Variants in INSC observed in about 807,000 individuals in gnomAD.
INSC encodes the protein protein inscuteable homolog.
INSC carries 67 observed loss-of-function variants against 58.6 expected under a neutral mutation model. That is an observed-to-expected ratio of 1.14 (90% CI 0.94 to 1.40). The LOEUF is 1.40. INSC is among the 40% of genes most tolerant of loss of function. INSC has a pLI of 0.00. For synonymous variants in INSC, 262 were observed against 276.1 expected, an observed-to-expected ratio of 0.95 and a Z score of 0.51; for missense variants, 714 against 692.0, an observed-to-expected ratio of 1.03 and a Z score of -0.36.
rs1046717449 is a variant in INSC at position 15,246,729 on chromosome 11, T to G, written c.*689T>G. ...ACCCAAAGGCACCAGAAACCCTGCT[T>G]CCTTTGGCTTCTTTGCTTTTGTGTA... On this transcript the variant is annotated 3_prime_UTR_variant, in exon 13 of 13. Transcript: ENST00000379556. 6.6e-6 allele frequency: 1 copy of G among 152,252 alleles called. No homozygotes were observed. Among genetic ancestry groups the G allele is most frequent in the Non-Finnish European group, 1.5e-5 (1 of 68,032 alleles). 9.4% of individuals were successfully genotyped at this position (152,252 alleles called of 1,614,324 possible).
At chr11:15,242,092 C>G (rs899625876) in intron 12 of INSC, among the ~76,000 whole-genome samples, 3 of 152,158 alleles carry the variant, frequency 2.0e-5, no homozygotes, top group African/African-American at 2.4e-5. Context: ...GTTCACAGAT[C>G]CTCTTAATTC....
chr11:15,158,943 G>A (rs528419216), intron 2 of INSC, among the ~76,000 whole-genome samples: 1 of 131,362 alleles, frequency 7.6e-6, no homozygotes, highest in South Asian at 2.5e-4. Context: ...CAACTTTGTA[G>A]CCTCAGCTCC....
intron 9 of INSC, among the ~76,000 whole-genome samples, chr11:15,227,203 C>G (rs1014602938): frequency 6.6e-6 from 1 of 152,192 alleles, no homozygotes; most frequent in Non-Finnish European, 1.5e-5. Flanking sequence ...CTTTGACTCT[C>G]ATCTGCTGTC....
chr11:15,217,981 A>G (rs147527716), intron 7 of INSC, among the ~76,000 whole-genome samples: 3,230 of 152,328 alleles, frequency 0.021, 47 homozygotes, highest in South Asian at 0.034. Context: ...GGCAATACCA[A>G]TAAACCTAAA....
chr11:15,186,279 C>G (rs559904684), intron 5 of INSC, among the ~76,000 whole-genome samples: 63 of 152,154 alleles, frequency 4.1e-4, no homozygotes, highest in Non-Finnish European at 7.4e-4. Context: ...AACTCTGCCC[C>G]CAATGTTCTC....
chr11:15,244,726 G>A lies in INSC; in HGVS notation c.1471-1186G>A, dbSNP rs55915226. 8.4e-3 allele frequency among the ~76,000 whole-genome samples: 1,272 copies of A among 152,192 alleles called. 15 individuals are homozygous for A. The highest frequency in any genetic ancestry group is 0.03 in the African/African-American group (1,229 of 41,522). ...GTAGGGATTAAGTGAGGTGCTATGG[G>A]GAGATTCTCAGTGTTTGCATTCCCT... On this transcript the variant is annotated intron_variant, in intron 12 of 12. Transcript: ENST00000379556.
intron 2 of INSC, among the ~76,000 whole-genome samples, chr11:15,160,525 T>C (rs942617102): frequency 2.6e-5 from 4 of 152,208 alleles, no homozygotes; most frequent in African/African-American, 9.6e-5. Flanking sequence ...TTGTGGCTTA[T>C]ATCACCATAA....
chr11:15,194,490 T>C (rs1850299333), intron 6 of INSC, among the ~76,000 whole-genome samples: 1 of 152,138 alleles, frequency 6.6e-6, no homozygotes, highest in Non-Finnish European at 1.5e-5. Flanking sequence ...ATGGCCAGAC[T>C]CTCAGAATCA....
At chr11:15,145,265 T>C (rs1452274267) in intron 1 of INSC, among the ~76,000 whole-genome samples, 1 of 152,200 alleles carries the variant, frequency 6.6e-6, no homozygotes, top group African/African-American at 2.4e-5. Flanking sequence ...TTTCCGTGGG[T>C]TGGCAATTTT....
intron 9 of INSC, among the ~76,000 whole-genome samples, chr11:15,229,993 A>AATATATAATATATATTATTATAATAT (rs1564917488): frequency 1.8e-4 from 5 of 28,448 alleles, no homozygotes; most frequent in African/African-American, 7.7e-4. Flanking sequence ...ATATATATAT[A>AATATATAATATATATTATTATAATAT]TATATATATA....
intron 5 of INSC, among the ~76,000 whole-genome samples, chr11:15,181,273 T>C (rs1438005198): frequency 6.6e-6 from 1 of 152,232 alleles, no homozygotes; most frequent in Non-Finnish European, 1.5e-5. Flanking sequence ...TTCCAAACTT[T>C]CAGGGTCACA....
chr11:15,208,685 A>C (rs1314661817), intron 7 of INSC, among the ~76,000 whole-genome samples: 3 of 152,184 alleles, frequency 2.0e-5, no homozygotes, highest in Admixed American at 6.5e-5. Flanking sequence ...GCCAGGTCCA[A>C]CCTGAGTTTG....
rs1265041744 is a variant in INSC at position 15,175,933 on chromosome 11, C to T, written c.249C>T (p.Val83=). The T allele has an allele frequency of 6.2e-7, 1 of 1,614,174 alleles. No homozygotes were observed. ...PLQLLLKRGW[V]ISTELRRIGQ... is the part of the protein sequence containing the mutation. ...AGCTGCTGCTCAAACGGGGTTGGGT[C>T]ATTAGCACAGAGCTGCGCAGGATCG... is the stretch of plus-strand genomic sequence containing the variant. Residue 83 remains valine (V), a synonymous_variant, in exon 3 of 13, where the codon GTC becomes GTT. Transcript: ENST00000379556.
intron 6 of INSC, among the ~76,000 whole-genome samples, chr11:15,199,607 A>C (rs1850501618): frequency 6.6e-6 from 1 of 152,218 alleles, no homozygotes; most frequent in African/African-American, 2.4e-5. Context: ...AGTTCTCAAA[A>C]ACCTGACAGA....
chr11:15,265,028 G>C, the INSC span, among the ~76,000 whole-genome samples: 2 of 152,124 alleles, frequency 1.3e-5, no homozygotes, highest in African/African-American at 4.8e-5. Context: ...GTTTTAAGCA[G>C]AAAAAATGTG....
At chr11:15,133,446 C>A (rs1292731297) in intron 1 of INSC, among the ~76,000 whole-genome samples, 1 of 152,196 alleles carries the variant, frequency 6.6e-6, no homozygotes, top group African/African-American at 2.4e-5. Context: ...GTCCCCTGTC[C>A]CCACAACAGA....
intron 1 of INSC, among the ~76,000 whole-genome samples, chr11:15,135,792 C>T (rs1036811848): frequency 2.6e-5 from 4 of 152,198 alleles, no homozygotes; most frequent in Admixed American, 1.3e-4. Flanking sequence ...TAGAATGGCA[C>T]AGACTGGCTA....
intron 2 of INSC, among the ~76,000 whole-genome samples, chr11:15,157,236 G>C (rs1162804557): frequency 6.6e-6 from 1 of 152,156 alleles, no homozygotes; most frequent in African/African-American, 2.4e-5. Flanking sequence ...GTTCACTGTG[G>C]AGACTAAGGA....
At chr11:15,176,950 C>T (rs1393149600) in intron 3 of INSC, among the ~76,000 whole-genome samples, 161 bp from the exon 4 acceptor site, 1 of 152,222 alleles carries the variant, frequency 6.6e-6, no homozygotes, top group Non-Finnish European at 1.5e-5. Flanking sequence ...CTACCGTGAG[C>T]TCTTTCACCA....
Sources: allele counts gnomAD v4.1 joint callset (sites outside exome capture counted in the v4.1 genomes callset), GRCh38; gene constraint gnomAD v4.1.1; transcripts MANE v1.5; gene names NCBI Gene and HGNC (gene_info 2026-07-23, HGNC 2026-07-21).